Variants in FBXL20 observed in about 807,000 individuals in gnomAD.
FBXL20 encodes F-box and leucine rich repeat protein 20.
In FBXL20, 11 loss-of-function variants were observed where a neutral mutation model predicts 64.0. The ratio of observed to expected loss-of-function variants is 0.17; its 90% CI spans 0.11 to 0.28. The LOEUF (loss-of-function observed/expected upper bound fraction) is 0.28, where lower values mean the gene tolerates loss of function less well. FBXL20 is among the 10% of genes least tolerant of loss of function. The probability of loss-of-function intolerance (pLI) is 1.00; values close to 1 mark genes in which losing one functional copy is unlikely to be tolerated. For synonymous variants in FBXL20, 184 were observed against 189.0 expected (o/e 0.97, Z 0.22); for missense variants, 303 against 526.2 (o/e 0.58, Z 4.15).
chr17:39,317,944 G>C (rs941533687), intron 2 of FBXL20, among the ~76,000 whole-genome samples: 1 of 149,948 alleles, frequency 6.7e-6, no homozygotes, highest in Non-Finnish European at 1.5e-5. Context: ...CTAGTGATCC[G>C]CCCTCCTCGC....
At chr17:39,275,604 A>G (rs2046883013) in intron 9 of FBXL20, among the ~76,000 whole-genome samples, 1 of 150,998 alleles carries the variant, frequency 6.6e-6, no homozygotes, top group Non-Finnish European at 1.5e-5. Context: ...TTTAGTAGAG[A>G]TGGGGTTTTT....
rs980599965 is a variant in FBXL20, at chr17:39,273,777, G to A, written c.827+1193C>T. ...GGAGGTTGCAGTGAGCCGAGATCGC[G>A]CCACTGCACTCCAGCCTGGGCGACA... On this transcript the variant is annotated intron_variant, in intron 10 of 14. Transcript: ENST00000264658. Among the ~76,000 whole-genome samples, 16 of 148,298 alleles carry A rather than the reference G, an allele frequency of 1.1e-4. No individual in the cohort carries two copies. In the East Asian group the frequency reaches 2.2e-3, roughly 21 times the overall value.
At chr17:39,290,518 TTCACATATATACTTGA>T (rs2047028269) in intron 6 of FBXL20, among the ~76,000 whole-genome samples, 2 of 152,176 alleles carry the variant, frequency 1.3e-5, no homozygotes, top group Admixed American at 1.3e-4. Flanking sequence ...TAAGAGATTT[TTCACATATATACTTGA>T]TCAGGTTGAA....
At position 39,260,704 on chromosome 17, in the gene FBXL20, T is replaced by C. The variant is rs956551192; in HGVS notation, c.*756A>G. 9.8e-5 allele frequency: 15 copies of C among 152,540 alleles called. No homozygotes were observed. Among genetic ancestry groups the C allele is most frequent in the African/African-American group, 3.1e-4 (13 of 41,378 alleles). The allele number at this position is 152,540 out of a possible 1,614,324, so 9.4% of individuals were successfully genotyped here. The stretch of plus-strand genomic sequence containing the variant: ...CACGACAACAGCAAAAGGGTAACAA[T>C]TGAGTGAGTAAGCAGACTGAACAGG... On this transcript the variant is annotated 3_prime_UTR_variant, in exon 15 of 15. Transcript: ENST00000264658.
chr17:39,264,240 T>C lies in FBXL20; in HGVS notation c.1138A>G (p.Ser380Gly). Residue 380 changes from serine (S) to glycine (G), a missense_variant, in exon 14 of 15, where the codon AGC (serine) becomes GGC (glycine). Coordinates refer to ENST00000264658, the MANE Select transcript of FBXL20 (RefSeq NM_032875.3). ...ASLEHLKSCH[S>G]LERIELYDCQ... ...TCATAGAGTTCTATCCGCTCAAGGC[T>C]ATGACAGCTCTTCAAGTGCTCCAGG... 1.2e-6 allele frequency: 2 copies of C among 1,614,246 alleles called. No individual in the cohort carries two copies. Among genetic ancestry groups the C allele is most frequent in the South Asian group, 2.2e-5 (2 of 91,092 alleles).
chr17:39,363,810 C>CAAAAAAAAAAAAAAA, intron 1 of FBXL20, among the ~76,000 whole-genome samples: 1 of 26,668 alleles, frequency 3.7e-5, no homozygotes, highest in East Asian at 9.8e-4. Context: ...GACTTTATCT[C>CAAAAAAAAAAAAAAA]AAAAAAAAAA....
chr17:39,315,060 G>A (rs1457970946), intron 2 of FBXL20, among the ~76,000 whole-genome samples: 1 of 151,960 alleles, frequency 6.6e-6, no homozygotes, highest in Non-Finnish European at 1.5e-5. Context: ...ACCTCCCAAA[G>A]TACTGGGATT....
In FBXL20 at chr17:39,379,781, A is replaced by C. The variant is rs2048004962; in HGVS notation, c.42+21580T>G. Among the ~76,000 whole-genome samples, 3 of 152,090 alleles carry C rather than the reference A, an allele frequency of 2.0e-5. No homozygotes were observed. The South Asian group carries it at 6.2e-4, about 32-fold the overall frequency. ...GGACAACAGATCAAGATCCTGTCTC[A>C]AATAAATAAAATAACATAAAATAAA... On this transcript the variant is annotated intron_variant, in intron 1 of 14. Coordinates refer to ENST00000264658, the MANE Select transcript of FBXL20 (RefSeq NM_032875.3).
At chr17:39,322,003 CTTGAT>C (rs1479929900) in intron 2 of FBXL20, among the ~76,000 whole-genome samples, 6 of 151,662 alleles carry the variant, frequency 4.0e-5, no homozygotes. Context: ...TGAATTAATT[CTTGAT>C]TTGATAATAA....
intron 6 of FBXL20, among the ~76,000 whole-genome samples, chr17:39,295,806 T>TATATATATATATATATATATATATA (rs202244214): frequency 2.9e-4 from 43 of 149,416 alleles, no homozygotes; most frequent in Non-Finnish European, 3.4e-4. Flanking sequence ...TATATATATA[T>TATATATATATATATATATATATATA]TAAGTCTTCT....
chr17:39,361,983 TA>T (rs35807323), intron 1 of FBXL20, among the ~76,000 whole-genome samples: 8,569 of 130,562 alleles, frequency 0.066, 651 homozygotes, highest in African/African-American at 0.2. Flanking sequence ...TTTGGAGCAC[TA>T]AAAAAAAAAA....
chr17:39,362,682 G>A (rs948112466), intron 1 of FBXL20, among the ~76,000 whole-genome samples: 9 of 142,038 alleles, frequency 6.3e-5, no homozygotes, highest in South Asian at 2.2e-4. Flanking sequence ...GCAGTAGTGC[G>A]ACCTCGGCTC....
At chr17:39,353,765 G>C (rs1382427184) in intron 1 of FBXL20, among the ~76,000 whole-genome samples, 1 of 151,998 alleles carries the variant, frequency 6.6e-6, no homozygotes, top group Non-Finnish European at 1.5e-5. Flanking sequence ...TGGGATTACA[G>C]ACACGCGCCA....
chr17:39,340,304 C>A (rs1321479785), intron 2 of FBXL20, among the ~76,000 whole-genome samples: 1 of 152,184 alleles, frequency 6.6e-6, no homozygotes, highest in Non-Finnish European at 1.5e-5. Flanking sequence ...ACCATGTTGG[C>A]CAGGCTGGTC....
chr17:39,318,937 T>G (rs2047322625), intron 2 of FBXL20, among the ~76,000 whole-genome samples: 1 of 151,856 alleles, frequency 6.6e-6, no homozygotes, highest in Admixed American at 6.6e-5. Flanking sequence ...CAGCAAAAAT[T>G]TTATTACAAG....
chr17:39,394,572 T>TC (rs1567909498), intron 1 of FBXL20, among the ~76,000 whole-genome samples: 1 of 151,448 alleles, frequency 6.6e-6, no homozygotes, highest in Non-Finnish European at 1.5e-5. Context: ...CTTTTCTTTT[T>TC]TTTTTTTTTT....
intron 1 of FBXL20, among the ~76,000 whole-genome samples, chr17:39,371,683 C>T (rs1183758964): frequency 1.4e-5 from 2 of 147,578 alleles, no homozygotes; most frequent in African/African-American, 5.0e-5. Context: ...TTTTTTGAGA[C>T]GAAGTTTTGC....
At chr17:39,347,039 C>T (rs1245398964) in intron 1 of FBXL20, among the ~76,000 whole-genome samples, 3 of 152,292 alleles carry the variant, frequency 2.0e-5, no homozygotes, top group South Asian at 4.1e-4. Context: ...TTTATGGCTG[C>T]ATAGTATTCC....
chr17:39,295,567 T>C (rs1168332780), intron 6 of FBXL20, among the ~76,000 whole-genome samples: 1 of 152,112 alleles, frequency 6.6e-6, no homozygotes, highest in East Asian at 1.9e-4. Context: ...TTCATGTGTT[T>C]TTAATTTGTA....
Sources: allele counts gnomAD v4.1 joint callset (sites outside exome capture counted in the v4.1 genomes callset), GRCh38; gene constraint gnomAD v4.1.1; transcripts MANE v1.5; gene names NCBI Gene and HGNC (gene_info 2026-07-23, HGNC 2026-07-21).